Variants in EBF3 observed in about 807,000 individuals in gnomAD.
EBF3 encodes the protein EBF transcription factor 3.
Under a neutral mutation model 77.1 loss-of-function variants are expected in EBF3, and 18 were observed. That is an observed-to-expected ratio of 0.23 (90% CI 0.16 to 0.35). EBF3 has a LOEUF of 0.35. EBF3 is among the 10% of genes least tolerant of loss of function. The pLI is 1.00. For missense variants in EBF3, 558 were observed against 860.0 expected (o/e 0.65, Z 4.39); for synonymous variants, 350 against 343.5 (o/e 1.02, Z -0.21).
chr10:129,873,357 G>A (rs538279623), intron 8 of EBF3, 95 bp downstream of exon 8: 16 of 1,341,962 alleles, frequency 1.2e-5, no homozygotes, highest in Middle Eastern at 2.0e-4. Flanking sequence ...AAGGGCGGGG[G>A]CCTGGTGAGA....
chr10:129,855,932 G>C (rs1851222993), intron 10 of EBF3, among the ~76,000 whole-genome samples: 1 of 152,190 alleles, frequency 6.6e-6, no homozygotes, highest in Admixed American at 6.5e-5. Context: ...GAGGTAAACA[G>C]AAAAAGGAGT....
At chr10:129,873,310 C>T in intron 8 of EBF3, 142 bp downstream of exon 8, 1 of 1,015,478 alleles carries the variant, frequency 9.8e-7, no homozygotes, top group Non-Finnish European at 1.3e-6. Context: ...ACCTCGGGGA[C>T]ACCCCCTCAT....
Position 129,924,430 on chromosome 10 carries a change from C to CAAA in EBF3, c.554+32825_554+32827dup, listed in dbSNP as rs956215243. Among the ~76,000 whole-genome samples the CAAA allele has an allele frequency of 1.6e-3, 170 of 108,282 alleles. 1 individual carries two copies. Among genetic ancestry groups the CAAA allele is most frequent in the African/African-American group, 3.5e-3 (100 of 28,174 alleles). 71.0% of individuals were successfully genotyped at this position (108,282 alleles called of 152,430 possible). A position where few individuals can be genotyped will look rare whatever the true frequency, so the allele number is the denominator to read the frequency against. ...ACTCCGTCTCAAACAACAACAACAA[C>CAAA]AAAAAAAAAAAAAAACAAAAAACAA... On this transcript the variant is annotated intron_variant, in intron 6 of 16. Transcript: ENST00000440978.
intron 10 of EBF3, among the ~76,000 whole-genome samples, chr10:129,855,299 C>T (rs1457450655): frequency 6.6e-6 from 1 of 152,170 alleles, no homozygotes; most frequent in African/African-American, 2.4e-5. Flanking sequence ...CAGTGGATGG[C>T]GGCATTGTGA....
intron 7 of EBF3, among the ~76,000 whole-genome samples, chr10:129,875,631 G>A (rs540377749): frequency 6.6e-6 from 1 of 152,344 alleles, no homozygotes; most frequent in East Asian, 1.9e-4. Context: ...CAGGATTGTT[G>A]AGGTCGCAAC....
chr10:129,946,511 C>T (rs1858237755), intron 6 of EBF3, among the ~76,000 whole-genome samples: 2 of 152,124 alleles, frequency 1.3e-5, no homozygotes, highest in South Asian at 4.1e-4. Context: ...TCATAAGCCT[C>T]GCTTTATTCA....
At chr10:129,859,079 C>T (rs1851445024) in intron 10 of EBF3, among the ~76,000 whole-genome samples, 1 of 152,188 alleles carries the variant, frequency 6.6e-6, no homozygotes, top group Admixed American at 6.5e-5. Flanking sequence ...GCTCCATGTG[C>T]TCGTGAAAAG....
At chr10:129,877,935 G>C (rs1852909973) in intron 6 of EBF3, 86 bp from the exon 7 acceptor site, 1 of 1,059,484 alleles carries the variant, frequency 9.4e-7, no homozygotes, top group Admixed American at 2.1e-5. Context: ...GCGCAGGGAG[G>C]AGTGGAGACT....
chr10:129,930,633 T>C (rs1462424172), intron 6 of EBF3, among the ~76,000 whole-genome samples: 2 of 148,618 alleles, frequency 1.3e-5, no homozygotes, highest in Non-Finnish European at 3.0e-5. Context: ...TATATCTATC[T>C]CTATATTAAC....
At chr10:129,877,627 T>G in intron 7 of EBF3, 141 bp downstream of exon 7, 1 of 658,240 alleles carries the variant, frequency 1.5e-6, no homozygotes. Context: ...TTTGCATATT[T>G]TTATCAAATG....
chr10:129,843,177 T>A lies in EBF3; in HGVS notation c.1154A>T (p.Asp385Val). 1.2e-6 allele frequency: 2 copies of A among 1,613,330 alleles called. No homozygotes were observed. The highest frequency in any genetic ancestry group is 8.5e-7 in the Non-Finnish European group (1 of 1,179,708). ...PKEVLLKRAA[D>V]LVEALYGMPH... is the part of the protein sequence containing the mutation. ...CATTCCGTATAAGGCTTCCACCAGG[T>A]CCGCCGCCCGCTTCAGTAACACCTC... The change falls in exon 12 of 17, where the codon GAC becomes GTC. Residue 385 changes from aspartate (D) to valine (V), a missense_variant. Physicochemically the swap from Asp to Val is radical, Grantham distance 152. Coordinates refer to ENST00000440978, the MANE Select transcript of EBF3 (RefSeq NM_001375380.1).
chr10:129,862,548 G>A (rs115682783), intron 10 of EBF3, among the ~76,000 whole-genome samples: 2,182 of 152,178 alleles, frequency 0.014, 40 homozygotes, highest in African/African-American at 0.049. Flanking sequence ...AAGAACACCC[G>A]ACCCAGCCAC....
At chr10:129,918,632 C>G (rs780798862) in intron 6 of EBF3, among the ~76,000 whole-genome samples, 22 of 152,204 alleles carry the variant, frequency 1.4e-4, no homozygotes, top group Non-Finnish European at 2.8e-4. Flanking sequence ...GATCAGGGCC[C>G]TGCCCTACCC....
intron 8 of EBF3, among the ~76,000 whole-genome samples, chr10:129,869,758 C>A (rs915939510): frequency 7.9e-5 from 12 of 152,230 alleles, no homozygotes; most frequent in Non-Finnish European, 1.8e-4. Context: ...ATTCCACGCG[C>A]ATCTCCCTCC....
rs1851793635 is a variant in EBF3, at chr10:129,863,648, G to A, written c.1039+3493C>T. Among the ~76,000 whole-genome samples, 1 of 152,228 alleles carries A rather than the reference G, an allele frequency of 6.6e-6. No individual in the cohort carries two copies. ...ACACTGATGGGAACCAGACGCCCAG[G>A]GGACGGTGCCTACGTCGTGACATGC... On this transcript the variant is annotated intron_variant, in intron 10 of 16. Coordinates refer to ENST00000440978, the MANE Select transcript of EBF3 (RefSeq NM_001375380.1). This position sits in a 1 kb window ranked among gnomAD's most constrained non-coding sequence, Gnocchi z 4.0.
Position 129,873,353 on chromosome 10 carries a change from G to A in EBF3, c.781+99C>T, listed in dbSNP as rs146060228. The A allele has an allele frequency of 7.3e-3, 9,621 of 1,322,770 alleles. 38 individuals carry two copies. The highest frequency in any genetic ancestry group is 8.2e-3 in the Non-Finnish European group (8,396 of 1,025,888). 81.9% of individuals were successfully genotyped at this position (1,322,770 alleles called of 1,614,324 possible). ...TGGTGCAGGAGGTCTGACCAAGGGC[G>A]GGGGCCTGGTGAGAGTAACTCCACA... On this transcript the variant is annotated intron_variant, in intron 8 of 16. Coordinates refer to ENST00000440978, the MANE Select transcript of EBF3 (RefSeq NM_001375380.1).
chr10:129,942,586 C>A (rs1289580841), intron 6 of EBF3, among the ~76,000 whole-genome samples: 1 of 152,162 alleles, frequency 6.6e-6, no homozygotes, highest in Non-Finnish European at 1.5e-5. Flanking sequence ...ACAACTCGGG[C>A]CCCGGGGCAC....
chr10:129,872,488 A>C (rs1852468980), intron 8 of EBF3, among the ~76,000 whole-genome samples: 1 of 152,182 alleles, frequency 6.6e-6, no homozygotes, highest in South Asian at 2.1e-4. Flanking sequence ...CACACGCTTC[A>C]TTCATTTTCC....
At chr10:129,878,661 C>CA (rs538628576) in intron 6 of EBF3, among the ~76,000 whole-genome samples, 2,449 of 34,600 alleles carry the variant, frequency 0.071, 191 homozygotes, top group Non-Finnish European at 0.093. Flanking sequence ...GGCTCTGTCT[C>CA]AAAAAAAAAA....
Sources: gnomAD v4.1 joint callset for allele counts (sites outside exome capture counted in the v4.1 genomes callset) on GRCh38, gnomAD v4.1.1 for gene constraint, Gnocchi (gnomAD v3.1) non-coding constraint, MANE v1.5 for transcripts, NCBI Gene and HGNC (gene_info 2026-07-23, HGNC 2026-07-21) for gene names.